The following GTF2H1 variants were observed in gnomAD, a reference collection of about 807,000 sequenced individuals.
The protein encoded by GTF2H1 is BTF2 p62.
A neutral mutation model predicts 71.2 loss-of-function variants in GTF2H1; 16 were observed. The observed-to-expected ratio is 0.22, with a 90% CI of 0.15 to 0.34. GTF2H1 has a LOEUF of 0.34. GTF2H1 is among the 10% of genes least tolerant of loss of function. The pLI is 1.00. For synonymous variants in GTF2H1, 215 were observed against 219.0 expected, an observed-to-expected ratio of 0.98 and a Z score of 0.16; for missense variants, 498 against 648.2, an observed-to-expected ratio of 0.77 and a Z score of 2.52.
In GTF2H1 at chr11:18,341,619, TAAAAG is replaced by T. The variant is rs1302345119; in HGVS notation, c.837+15_837+19del. On this transcript the variant is annotated intron_variant, in intron 7 of 14. Transcript: ENST00000265963. The stretch of plus-strand genomic sequence containing the variant: ...AACCATTAGATGAGGTAAGAAGCAA[TAAAAG>T]AAGTTTTGAGAGAAAAGAGTCTTTT... The T allele has an allele frequency of 6.5e-7, 1 of 1,537,926 alleles. No individual in the cohort carries two copies.
intron 1 of GTF2H1, among the ~76,000 whole-genome samples, chr11:18,322,985 T>G (rs530857587): frequency 2.0e-5 from 3 of 152,318 alleles, no homozygotes. Context: ...AAAGCCAGGA[T>G]CAGATTTGGC....
At chr11:18,339,471 A>ATTTTTTTTTT in intron 4 of GTF2H1, 93 bp from the exon 5 acceptor site, 1 of 780,202 alleles carries the variant, frequency 1.3e-6, no homozygotes, top group Non-Finnish European at 2.1e-6. Flanking sequence ...TAGTTCAGAA[A>ATTTTTTTTTT]TTTTTTTTTC....
chr11:18,336,413 C>T (rs561024141), intron 3 of GTF2H1, among the ~76,000 whole-genome samples: 5 of 152,280 alleles, frequency 3.3e-5, no homozygotes, highest in Admixed American at 2.0e-4. Context: ...CAGGTATGAG[C>T]CACCACGCCC....
chr11:18,361,166 A>T (rs1339185441), intron 14 of GTF2H1, among the ~76,000 whole-genome samples: 2 of 152,180 alleles, frequency 1.3e-5, no homozygotes, highest in African/African-American at 4.8e-5. Context: ...ATGCATTCAG[A>T]AGTATATAAA....
intron 14 of GTF2H1, among the ~76,000 whole-genome samples, chr11:18,362,223 A>T (rs1865719267): frequency 6.6e-6 from 1 of 152,226 alleles, no homozygotes; most frequent in African/African-American, 2.4e-5. Flanking sequence ...GTGTGTATCT[A>T]AACATAGAAA....
intron 1 of GTF2H1, among the ~76,000 whole-genome samples, chr11:18,328,487 T>A (rs547478219): frequency 7.0e-6 from 1 of 143,166 alleles, no homozygotes; most frequent in South Asian, 2.2e-4. Context: ...CACTCCAGCC[T>A]GGGTGACAGA....
chr11:18,333,343 T>C, intron 2 of GTF2H1, 115 bp downstream of exon 2: 2 of 739,756 alleles, frequency 2.7e-6, no homozygotes, highest in Non-Finnish European at 4.2e-6. Flanking sequence ...GTAGAAATAA[T>C]TACAAAATGG....
At chr11:18,328,723 G>T (rs1462553173) in intron 1 of GTF2H1, among the ~76,000 whole-genome samples, 1 of 151,508 alleles carries the variant, frequency 6.6e-6, no homozygotes, top group Non-Finnish European at 1.5e-5. Context: ...CTACTCTGGA[G>T]GCTGAGGCAG....
At position 18,352,370 on chromosome 11, in the gene GTF2H1, C is replaced by T. The variant is rs760469764; in HGVS notation, c.1184C>T (p.Ala395Val). ...GPTPIQSLQYATSQDIINSFQ... is the reference protein window; with the variant it reads ...GPTPIQSLQYVTSQDIINSFQ... ...ACTCCAATCCAGTCACTACAGTATG[C>T]AACAAGTCAGGACATTATTAATTCT... The change falls in exon 11 of 15, where the codon GCA becomes GTA. Residue 395 changes from alanine to valine, a missense_variant. Coordinates refer to ENST00000265963, the MANE Select transcript of GTF2H1 (RefSeq NM_005316.4). 2.1e-5 allele frequency: 34 copies of T among 1,582,958 alleles called. No homozygotes were observed. The highest frequency in any genetic ancestry group is 2.5e-5 in the Non-Finnish European group (29 of 1,152,078).
At chr11:18,361,895 C>A (rs1344725624) in intron 14 of GTF2H1, among the ~76,000 whole-genome samples, 3 of 152,180 alleles carry the variant, frequency 2.0e-5, no homozygotes, top group South Asian at 4.1e-4. Context: ...CACTTTATGC[C>A]CAGCATTTTT....
In GTF2H1 at chr11:18,365,842, G is replaced by A; in HGVS notation, c.1620G>A (p.Gln540=). 2 of 1,613,626 alleles carry A rather than the reference G, an allele frequency of 1.2e-6. No homozygotes were observed. The highest frequency in any genetic ancestry group is 1.7e-6 in the Non-Finnish European group (2 of 1,179,568). The change falls in exon 15 of 15, where the codon CAG becomes CAA. Residue 540 remains glutamine (Q), a synonymous_variant. Coordinates refer to ENST00000265963, the MANE Select transcript of GTF2H1 (RefSeq NM_005316.4). ...QTAYNKLHTW[Q]SRRLMKKT is the part of the protein sequence containing the mutation. The stretch of plus-strand genomic sequence containing the variant: ...CCTACAACAAGCTCCACACATGGCA[G>A]TCACGGCGTCTGATGAAGAAAACGT...
chr11:18,340,259 A>AG lies in GTF2H1; in HGVS notation c.607+603dup, dbSNP rs1305292811. On this transcript the variant is annotated intron_variant, in intron 5 of 14. Coordinates refer to ENST00000265963, the MANE Select transcript of GTF2H1 (RefSeq NM_005316.4). ...CCCTTGAAGCAAGGGGTTCAAGACTAGCCTGGGCAACAAAACAAGACCCTA... is the reference window on the plus strand; with the variant it reads ...CCCTTGAAGCAAGGGGTTCAAGACTAGGCCTGGGCAACAAAACAAGACCCTA... Among the ~76,000 whole-genome samples the AG allele has an allele frequency of 2.6e-5, 4 of 151,374 alleles. No homozygotes were observed. In the East Asian group the frequency reaches 7.8e-4, roughly 29 times the overall value.
At chr11:18,363,181 C>T (rs2133993939) in intron 14 of GTF2H1, among the ~76,000 whole-genome samples, 1 of 152,198 alleles carries the variant, frequency 6.6e-6, no homozygotes, top group South Asian at 2.1e-4. Flanking sequence ...GGAATACCTC[C>T]TGAAGGACCT....
At chr11:18,341,743 G>T in intron 7 of GTF2H1, 136 bp downstream of exon 7, 1 of 557,260 alleles carries the variant, frequency 1.8e-6, no homozygotes. Context: ...TGATTTATCG[G>T]AAGTGCTTTG....
intron 7 of GTF2H1, 71 bp from the exon 8 acceptor site, chr11:18,347,517 C>T: frequency 8.8e-7 from 1 of 1,136,882 alleles, no homozygotes; most frequent in Non-Finnish European, 1.2e-6. Context: ...CAAATTTTTT[C>T]AGCTAAGCGT....
intron 3 of GTF2H1, 37 bp downstream of exon 3, chr11:18,335,983 G>A (rs530764908): frequency 6.7e-7 from 1 of 1,490,318 alleles, no homozygotes; most frequent in African/African-American, 1.4e-5. Context: ...AAGAGATACT[G>A]GGTTCTCTAT....
intron 1 of GTF2H1, among the ~76,000 whole-genome samples, chr11:18,328,196 C>G (rs1864809497): frequency 9.0e-6 from 1 of 111,382 alleles, no homozygotes; most frequent in South Asian, 3.1e-4. Context: ...GAGGGAGACT[C>G]CATCTCAAAA....
intron 11 of GTF2H1, among the ~76,000 whole-genome samples, chr11:18,355,779 T>C (rs933551098): frequency 6.6e-6 from 1 of 152,080 alleles, no homozygotes; most frequent in African/African-American, 2.4e-5. Context: ...CCTCCCAAAA[T>C]GAAATTTATC....
In GTF2H1 at chr11:18,347,661, T is replaced by G; in HGVS notation, c.911T>G (p.Ile304Ser). Residue 304 changes from isoleucine (I) to serine (S), a missense_variant, in exon 8 of 15, where the codon ATC (isoleucine) becomes AGC (serine). By Grantham distance (142) the Ile-to-Ser change is moderately radical. This residue lies in a region of GTF2H1 where 266 missense variants were observed against 301.6 expected (regional missense o/e 0.88). Transcript: ENST00000265963. ...SIKENSNAAI[I>S]KRFNHHSAMV... ...AAAGAGAATAGTAATGCTGCCATCA[T>G]CAAGAGATTTAACCATCACAGTGCC... The G allele has an allele frequency of 6.2e-7, 1 of 1,613,046 alleles. No individual in the cohort carries two copies. The highest frequency in any genetic ancestry group is 8.5e-7 in the Non-Finnish European group (1 of 1,178,970).
Sources: gnomAD v4.1 joint callset for allele counts (sites outside exome capture counted in the v4.1 genomes callset) on GRCh38, gnomAD v4.1.1 for gene constraint, gnomAD v4.1.1 regional missense constraint, MANE v1.5 for transcripts, NCBI Gene and HGNC (gene_info 2026-07-23, HGNC 2026-07-21) for gene names.